HMBOX1: variants seen among roughly 807,000 people sequenced by gnomAD.
HMBOX1 encodes the protein homeobox containing 1, also known as homeobox-containing protein 1.
A neutral mutation model predicts 54.5 loss-of-function variants in HMBOX1; 14 were observed. The ratio of observed to expected loss-of-function variants is 0.26; its 90% CI spans 0.17 to 0.40. The LOEUF is 0.40. HMBOX1 is among the 10% of genes least tolerant of loss of function. The probability of loss-of-function intolerance (pLI) is 1.00; values close to 1 mark genes in which losing one functional copy is unlikely to be tolerated. For missense variants in HMBOX1, 332 were observed against 514.4 expected (o/e 0.65, Z 3.43); for synonymous variants, 160 against 181.0 (o/e 0.88, Z 0.93).
chr8:28,959,295 A>G lies in HMBOX1; in HGVS notation c.-57-4516A>G, dbSNP rs77092513. 6.7e-3 allele frequency among the ~76,000 whole-genome samples: 1,026 copies of G among 152,290 alleles called. 13 individuals are homozygous for G. The highest frequency in any genetic ancestry group is 0.055 in the East Asian group (285 of 5,190). On this transcript the variant is annotated intron_variant, in intron 1 of 9. Transcript: ENST00000287701. ...GTATTACTTAAACAGGGGCACTGTTAGATACCAGGACAGTCAGTGTGATAA... is the reference window on the plus strand; with the variant it reads ...GTATTACTTAAACAGGGGCACTGTTGGATACCAGGACAGTCAGTGTGATAA...
intron 1 of HMBOX1, chr8:28,924,560 T>A (rs1310744006): frequency 6.6e-6 from 1 of 151,984 alleles, no homozygotes; most frequent in African/African-American, 2.4e-5. Context: ...AAGAGTTTTA[T>A]AATTTGAATT....
chr8:28,923,110 C>T lies in HMBOX1; in HGVS notation c.-58+32432C>T, dbSNP rs117605471. 5.9e-5 allele frequency among the ~76,000 whole-genome samples: 9 copies of T among 152,304 alleles called. No homozygotes were observed. In the East Asian group the frequency reaches 1.7e-3, roughly 29 times the overall value. On this transcript the variant is annotated intron_variant, in intron 1 of 9. Transcript: ENST00000287701. ...AGTGTTGCACAACTGTCACCACTGT[C>T]TGGTTCAGAAGTTTTTCATCTAGGG...
rs137944214 is a variant in HMBOX1, at chr8:28,936,488, C to T, written c.-57-27323C>T. On this transcript the variant is annotated intron_variant, in intron 1 of 9. Transcript: ENST00000287701. ...GTACTTTTTGCCTAGAAATTTCCTC[C>T]GTGTACTTTTTTAATTGTGGTGAGA... 4.7e-3 allele frequency among the ~76,000 whole-genome samples: 713 copies of T among 151,786 alleles called. 3 individuals carry two copies. The highest frequency in any genetic ancestry group is 0.016 in the African/African-American group (667 of 41,442).
intron 1 of HMBOX1, among the ~76,000 whole-genome samples, chr8:28,901,936 G>C (rs180929040): frequency 1.3e-5 from 2 of 152,144 alleles, no homozygotes; most frequent in Admixed American, 1.3e-4. Flanking sequence ...TTAAAACCCA[G>C]TTAAATCCTT....
rs1213089853 is a variant in HMBOX1 at position 29,051,332 on chromosome 8, C to G, written c.*177C>G. On this transcript the variant is annotated 3_prime_UTR_variant, in exon 10 of 10. Transcript: ENST00000287701. ...TGCCCTCAGCCTTTGCATATACTCTCTCAGTATTAACTCCCAGTAAATAAT... is the reference window on the plus strand; with the variant it reads ...TGCCCTCAGCCTTTGCATATACTCTGTCAGTATTAACTCCCAGTAAATAAT... 1 of 664,474 alleles carries G rather than the reference C, an allele frequency of 1.5e-6. No individual in the cohort carries two copies. Among genetic ancestry groups the G allele is most frequent in the Non-Finnish European group, 2.6e-6 (1 of 385,768 alleles). The allele number at this position is 664,474 out of a possible 1,614,324, so 41.2% of individuals were successfully genotyped here.
chr8:28,945,938 C>T (rs971636974), intron 1 of HMBOX1, among the ~76,000 whole-genome samples: 4 of 149,068 alleles, frequency 2.7e-5, no homozygotes, highest in African/African-American at 4.9e-5. Context: ...ATCCATAGGG[C>T]ATATTCTTTT....
intron 3 of HMBOX1, among the ~76,000 whole-genome samples, chr8:28,978,508 C>T (rs554646139): frequency 6.6e-6 from 1 of 152,138 alleles, no homozygotes. Context: ...GTAGGCTGGG[C>T]GCTACTGCTC....
At chr8:28,954,590 TA>T (rs1167987033) in intron 1 of HMBOX1, among the ~76,000 whole-genome samples, 1 of 152,204 alleles carries the variant, frequency 6.6e-6, no homozygotes, top group East Asian at 1.9e-4. Flanking sequence ...AAATCACCAC[TA>T]ACATATTGGA....
intron 6 of HMBOX1, among the ~76,000 whole-genome samples, chr8:29,027,164 A>G (rs1025126861): frequency 5.9e-5 from 9 of 152,258 alleles, no homozygotes; most frequent in East Asian, 1.9e-4. Flanking sequence ...TCTCAAGGGG[A>G]AAAAAAGTCA....
chr8:28,907,912 C>G (rs1814649800), intron 1 of HMBOX1, among the ~76,000 whole-genome samples: 2 of 150,742 alleles, frequency 1.3e-5, no homozygotes, highest in African/African-American at 4.9e-5. Flanking sequence ...GTGGCATGAT[C>G]TTGGTGCACT....
At chr8:28,896,978 G>GTT (rs201463638) in intron 1 of HMBOX1, among the ~76,000 whole-genome samples, 34 of 141,874 alleles carry the variant, frequency 2.4e-4, no homozygotes, top group African/African-American at 5.2e-4. Context: ...TATTGGCTAG[G>GTT]TTTTTTTTTT....
chr8:28,915,713 T>G (rs946066929), intron 1 of HMBOX1: 1 of 151,970 alleles, frequency 6.6e-6, no homozygotes, highest in African/African-American at 2.4e-5. Context: ...GGTTCCCTAC[T>G]GCTTTGAGTG....
At chr8:29,010,674 G>GTATTACCACAGTCCTCATTA (rs1219115048) in intron 5 of HMBOX1, among the ~76,000 whole-genome samples, 1 of 151,884 alleles carries the variant, frequency 6.6e-6, no homozygotes, top group Non-Finnish European at 1.5e-5. Flanking sequence ...AAGATAATCT[G>GTATTACCACAGTCCTCATTA]TATTACCACA....
chr8:29,003,849 AT>A (rs1338108842), intron 4 of HMBOX1, among the ~76,000 whole-genome samples: 1 of 151,922 alleles, frequency 6.6e-6, no homozygotes, highest in African/African-American at 2.4e-5. Flanking sequence ...AGGAAATTTC[AT>A]TTTTTCAATT....
intron 4 of HMBOX1, among the ~76,000 whole-genome samples, chr8:29,008,237 A>AT (rs1219488711): frequency 2.6e-5 from 4 of 152,082 alleles, no homozygotes; most frequent in African/African-American, 9.7e-5. Context: ...TGAGTTATTC[A>AT]TTTTTTGGAA....
Position 29,051,729 on chromosome 8 carries a change from T to C in HMBOX1, c.*574T>C. ...TGTGGCTAGATTATACTTCTTTGGG[T>C]GCTGTGCTAAGAATGTCAATGGAAA... On this transcript the variant is annotated 3_prime_UTR_variant, in exon 10 of 10. Coordinates refer to ENST00000287701, the MANE Select transcript of HMBOX1 (RefSeq NM_001135726.3). 1.5e-6 allele frequency: 1 copy of C among 659,952 alleles called. No individual in the cohort carries two copies. Among genetic ancestry groups the C allele is most frequent in the Non-Finnish European group, 2.8e-6 (1 of 356,928 alleles). 40.9% of individuals were successfully genotyped at this position (659,952 alleles called of 1,614,324 possible). A position where few individuals can be genotyped will look rare whatever the true frequency, so the allele number is the denominator to read the frequency against.
At chr8:28,896,906 T>G (rs1812221667) in intron 1 of HMBOX1, among the ~76,000 whole-genome samples, 1 of 152,178 alleles carries the variant, frequency 6.6e-6, no homozygotes, top group South Asian at 2.1e-4. Flanking sequence ...TAAAAGTTTA[T>G]TTTTTAGATG....
intron 4 of HMBOX1, among the ~76,000 whole-genome samples, chr8:28,995,822 G>A (rs1174741215): frequency 6.6e-6 from 1 of 152,160 alleles, no homozygotes; most frequent in Admixed American, 6.5e-5. Context: ...GGGTTATTTG[G>A]CTGGGCGCGG....
chr8:28,943,322 A>T (rs1821800870), intron 1 of HMBOX1, among the ~76,000 whole-genome samples: 1 of 152,334 alleles, frequency 6.6e-6, no homozygotes, highest in Middle Eastern at 3.4e-3. Context: ...AAGCTTATAT[A>T]CTGAGTGGAC....
Sources: gnomAD v4.1 joint callset for allele counts (sites outside exome capture counted in the v4.1 genomes callset) on GRCh38, gnomAD v4.1.1 for gene constraint, MANE v1.5 for transcripts, NCBI Gene and HGNC (gene_info 2026-07-23, HGNC 2026-07-21) for gene names.